Variants in ACOT11 observed in about 807,000 individuals in gnomAD.
ACOT11 encodes acyl-coenzyme A thioesterase 11.
Under a neutral mutation model 77.5 loss-of-function variants are expected in ACOT11, and 69 were observed. The observed-to-expected ratio is 0.89, with a 90% CI of 0.73 to 1.09. The LOEUF (loss-of-function observed/expected upper bound fraction) is 1.09. Ranked by LOEUF, ACOT11 falls within the 50% of genes least tolerant of loss-of-function variation. The pLI, the probability that ACOT11 is intolerant of heterozygous loss-of-function variation, is 0.00. For synonymous variants in ACOT11, 279 were observed against 313.0 expected (o/e 0.89, Z 1.15); for missense variants, 766 against 813.7 (o/e 0.94, Z 0.71).
chr1:54,559,415 C>T (rs551986106), intron 1 of ACOT11, among the ~76,000 whole-genome samples: 23 of 152,308 alleles, frequency 1.5e-4, no homozygotes, highest in South Asian at 6.2e-4. Context: ...GCTCATCACT[C>T]GGCCCGATGA....
rs753971284 is a variant in ACOT11, at chr1:54,601,365, C to T, written c.981C>T (p.Asp327=). 6.2e-6 allele frequency: 10 copies of T among 1,613,534 alleles called. No homozygotes were observed. Among genetic ancestry groups the T allele is most frequent in the Admixed American group, 1.7e-5 (1 of 60,006 alleles). ...CCTTTATGACCTTTGTGGTCCTGGA[C>T]GCAGATGACCAGCCCCAGTTGCTGC... ...NSAFMTFVVL[D]ADDQPQLLPW... is the part of the protein sequence containing the mutation. The change falls in exon 9 of 16, where the codon GAC becomes GAT. Residue 327 remains aspartate, a synonymous_variant. Transcript: ENST00000343744.
chr1:54,583,470 C>T (rs914122778), intron 1 of ACOT11, among the ~76,000 whole-genome samples: 27 of 152,282 alleles, frequency 1.8e-4, no homozygotes, highest in African/African-American at 6.3e-4. Flanking sequence ...GTGGCAGGCT[C>T]ACCATTGGGG....
At chr1:54,585,795 G>A (rs1654478076) in intron 2 of ACOT11, 40 bp from the exon 3 acceptor site, 1 of 1,610,344 alleles carries the variant, frequency 6.2e-7, no homozygotes, top group Non-Finnish European at 8.5e-7. Flanking sequence ...CTGTGATCGG[G>A]GGAGGCTGCT....
Position 54,607,143 on chromosome 1 carries a change from G to T in ACOT11, c.1380G>T (p.Glu460Asp), listed in dbSNP as rs1569767221. ...CCCGGCCTCCCCACAGGAGCGTGGA[G>T]CTAGTGCAGCAGGTAGACGAGGACG... is the stretch of plus-strand genomic sequence containing the variant. ...PEWDKHYRSV[E>D]LVQQVDEDDA... is the part of the protein sequence containing the mutation. Residue 460 changes from glutamate (E) to aspartate (D), a missense_variant, in exon 14 of 16, where the codon GAG becomes GAT. Coordinates refer to ENST00000343744, the MANE Select transcript of ACOT11 (RefSeq NM_147161.4). The surrounding 1 kb of genome is among the most constrained non-coding windows in gnomAD (Gnocchi z 4.5). 6.2e-7 allele frequency: 1 copy of T among 1,614,144 alleles called. No individual in the cohort carries two copies.
intron 1 of ACOT11, among the ~76,000 whole-genome samples, chr1:54,578,372 C>T (rs1654187707): frequency 6.6e-6 from 1 of 152,206 alleles, no homozygotes; most frequent in East Asian, 1.9e-4. Flanking sequence ...CAAACCAAGA[C>T]ACCTATGGCA....
rs1157294237 is a variant in ACOT11, at chr1:54,610,291, C to T, written c.*1179C>T. 6.6e-7 allele frequency: 1 copy of T among 1,515,948 alleles called. No homozygotes were observed. Among genetic ancestry groups the T allele is most frequent in the Non-Finnish European group, 8.8e-7 (1 of 1,136,394 alleles). The allele number at this position is 1,515,948 out of a possible 1,614,324, so 93.9% of individuals were successfully genotyped here. On this transcript the variant is annotated 3_prime_UTR_variant, in exon 16 of 16. Transcript: ENST00000343744. ...CCCGCAACCCTGCCCCACCTTGCAT[C>T]CAGGGTATGGTGTAAATAAACCTGT...
intron 8 of ACOT11, among the ~76,000 whole-genome samples, chr1:54,601,009 C>T (rs143676220): frequency 1.2e-3 from 187 of 152,206 alleles, no homozygotes; most frequent in African/African-American, 4.4e-3. Context: ...GTGGAGGGAG[C>T]GGTCCCAGGT....
chr1:54,619,773 CCA>C (rs1236594340), intron 15 of ACOT11: 1 of 1,367,068 alleles, frequency 7.3e-7, no homozygotes, highest in East Asian at 2.3e-5. Context: ...CATCATGCCA[CCA>C]CAGTGACCAG....
At chr1:54,555,005 C>G (rs1653212011) in intron 1 of ACOT11, among the ~76,000 whole-genome samples, 1 of 152,166 alleles carries the variant, frequency 6.6e-6, no homozygotes, top group African/African-American at 2.4e-5. Context: ...GTCGCCCAGG[C>G]TGGAGTGTAG....
intron 1 of ACOT11, among the ~76,000 whole-genome samples, chr1:54,562,633 G>C (rs1420695895): frequency 1.1e-4 from 15 of 142,586 alleles, no homozygotes. Context: ...GGGCGGAGGG[G>C]CTCCTCACTT....
intron 1 of ACOT11, among the ~76,000 whole-genome samples, chr1:54,560,514 C>T (rs1653430921): frequency 6.6e-6 from 1 of 152,134 alleles, no homozygotes; most frequent in South Asian, 2.1e-4. Context: ...TATCAGTGGA[C>T]GTGAATTATT....
chr1:54,574,721 A>C (rs1214662936), intron 1 of ACOT11, among the ~76,000 whole-genome samples: 1 of 152,130 alleles, frequency 6.6e-6, no homozygotes, highest in Non-Finnish European at 1.5e-5. Context: ...ATTCAAATGC[A>C]ATCTACCTGT....
chr1:54,601,109 G>A (rs1358791632), intron 8 of ACOT11, among the ~76,000 whole-genome samples, 160 bp from the exon 9 acceptor site: 2 of 151,576 alleles, frequency 1.3e-5, no homozygotes, highest in Admixed American at 1.3e-4. Flanking sequence ...GTGTATGTGT[G>A]TGCATACATG....
At chr1:54,616,065 T>C in intron 15 of ACOT11, 2 of 1,614,114 alleles carry the variant, frequency 1.2e-6, no homozygotes, top group Non-Finnish European at 1.7e-6. Context: ...TGCTCCAGTG[T>C]GTTGTCACTG....
chr1:54,550,938 G>A (rs554745026), intron 1 of ACOT11, among the ~76,000 whole-genome samples: 5 of 151,774 alleles, frequency 3.3e-5, no homozygotes, highest in African/African-American at 4.8e-5. Context: ...CCAGGAGTTC[G>A]AGACCAGCTC....
chr1:54,587,053 C>T (rs1336477275), intron 3 of ACOT11, among the ~76,000 whole-genome samples: 2 of 152,150 alleles, frequency 1.3e-5, no homozygotes, highest in African/African-American at 4.8e-5. Context: ...TCAGTCATTC[C>T]CTCACCACAC....
At chr1:54,578,633 GTTTAT>G (rs202247246) in intron 1 of ACOT11, among the ~76,000 whole-genome samples, 3 of 152,108 alleles carry the variant, frequency 2.0e-5, no homozygotes, top group Admixed American at 2.0e-4. Flanking sequence ...GGAGGAGAAA[GTTTAT>G]TTTATTTTAT....
intron 15 of ACOT11, 139 bp downstream of exon 15, chr1:54,608,207 T>C: frequency 1.3e-6 from 1 of 773,070 alleles, no homozygotes; most frequent in Non-Finnish European, 2.0e-6. Flanking sequence ...TGGGGGAGCC[T>C]GAGAGTGTCA....
At chr1:54,561,077 TTTTTA>T (rs1248954633) in intron 1 of ACOT11, among the ~76,000 whole-genome samples, 3 of 70,514 alleles carry the variant, frequency 4.3e-5, no homozygotes, top group African/African-American at 1.9e-4. Context: ...CTTGGCTGAT[TTTTTA>T]TTTTTTTTAT....
Sources: allele counts gnomAD v4.1 joint callset (sites outside exome capture counted in the v4.1 genomes callset), GRCh38; gene constraint gnomAD v4.1.1; non-coding constraint Gnocchi (gnomAD v3.1); transcripts MANE v1.5; gene names NCBI Gene and HGNC (gene_info 2026-07-23, HGNC 2026-07-21).